RYR2: variants seen among roughly 807,000 people sequenced by gnomAD.
The protein encoded by RYR2 is ryanodine receptor 2.
RYR2 carries 227 observed loss-of-function variants against 601.1 expected under a neutral mutation model. The ratio of observed to expected loss-of-function variants is 0.38; its 90% CI spans 0.34 to 0.42. The LOEUF (loss-of-function observed/expected upper bound fraction) is 0.42. Ranked by LOEUF, RYR2 falls within the 10% of genes least tolerant of loss-of-function variation. The pLI is 1.00. For missense variants in RYR2, 4,646 were observed against 6,156.5 expected (o/e 0.75, Z 8.21); for synonymous variants, 2,223 against 2,175.1 (o/e 1.02, Z -0.61).
rs7526874 is a variant in RYR2 at position 237,270,881 on chromosome 1, G to A, written c.168+265G>A. Among the ~76,000 whole-genome samples the A allele has an allele frequency of 0.88, 134,212 of 152,256 alleles. 59,267 individuals are homozygous for A. Among genetic ancestry groups the A allele is most frequent in the East Asian group, 1 (5,179 of 5,180 alleles). On this transcript the variant is annotated intron_variant, in intron 2 of 104. Transcript: ENST00000366574. ...AGTAGAAAAGCAAACAAGTAAATCA[G>A]TGATATAATTTGAAAACTGATAAGG...
chr1:237,469,200 G>C lies in RYR2; in HGVS notation c.1708+13G>C. On this transcript the variant is annotated intron_variant, in intron 17 of 104. Transcript: ENST00000366574. The stretch of plus-strand genomic sequence containing the variant: ...GAAGCTTCTTCAGGTATGTTTTCTA[G>C]TTTTTTCCTTGTTGTGATAGATCAC... The C allele has an allele frequency of 8.3e-7, 1 of 1,209,442 alleles. No individual in the cohort carries two copies. Among genetic ancestry groups the C allele is most frequent in the Non-Finnish European group, 1.1e-6 (1 of 946,338 alleles). 74.9% of individuals were successfully genotyped at this position (1,209,442 alleles called of 1,614,324 possible). A position where few individuals can be genotyped will look rare whatever the true frequency, so the allele number is the denominator to read the frequency against.
intron 13 of RYR2, among the ~76,000 whole-genome samples, chr1:237,444,960 G>A (rs982635794): frequency 6.6e-6 from 1 of 152,152 alleles, no homozygotes; most frequent in African/African-American, 2.4e-5. Context: ...TACCAAGTTT[G>A]CTTAGGCTGA....
chr1:237,275,184 T>A, intron 2 of RYR2, among the ~76,000 whole-genome samples: 1 of 151,982 alleles, frequency 6.6e-6, no homozygotes, highest in Non-Finnish European at 1.5e-5. Context: ...AAATTATATA[T>A]TTATAGTATT....
intron 1 of RYR2, among the ~76,000 whole-genome samples, chr1:237,263,239 T>C (rs1301524521): frequency 6.6e-6 from 1 of 152,218 alleles, no homozygotes; most frequent in East Asian, 1.9e-4. Context: ...AGATCTTACC[T>C]TGGCAGTTCT....
chr1:237,135,281 A>G (rs1672639449), intron 1 of RYR2, among the ~76,000 whole-genome samples: 1 of 152,206 alleles, frequency 6.6e-6, no homozygotes, highest in Non-Finnish European at 1.5e-5. Context: ...GTAATAGACT[A>G]TCTTGGGGAA....
chr1:237,181,431 C>T (rs1230393726), intron 1 of RYR2, among the ~76,000 whole-genome samples: 2 of 152,324 alleles, frequency 1.3e-5, no homozygotes, highest in Non-Finnish European at 2.9e-5. Context: ...AGGATTTGAA[C>T]CCAGGCTGGG....
intron 97 of RYR2, among the ~76,000 whole-genome samples, chr1:237,801,367 C>CAA (rs71162423): frequency 7.1e-4 from 68 of 95,424 alleles, no homozygotes; most frequent in African/African-American, 1.7e-3. Context: ...CCCATCTCTA[C>CAA]AAAAAAAAAA....
intron 2 of RYR2, among the ~76,000 whole-genome samples, chr1:237,297,926 A>AT (rs71661539): frequency 0.017 from 2,322 of 133,338 alleles, 71 homozygotes; most frequent in Admixed American, 0.065. Context: ...AATTTTTTGT[A>AT]TTTTTTTTTT....
chr1:237,699,264 G>A (rs2149027366), intron 64 of RYR2, among the ~76,000 whole-genome samples: 1 of 152,252 alleles, frequency 6.6e-6, no homozygotes, highest in African/African-American at 2.4e-5. Flanking sequence ...CCATAAAGGA[G>A]GGTTGAACTG....
At chr1:237,059,032 C>T (rs1031652522) in intron 1 of RYR2, among the ~76,000 whole-genome samples, 2 of 152,078 alleles carry the variant, frequency 1.3e-5, no homozygotes, top group Admixed American at 6.6e-5. Flanking sequence ...CCAACCAAAA[C>T]ATTGCTCTGG....
chr1:237,444,945 C>T (rs571039525), intron 13 of RYR2, among the ~76,000 whole-genome samples: 1 of 152,266 alleles, frequency 6.6e-6, no homozygotes, highest in Admixed American at 6.5e-5. Flanking sequence ...AGCTTTGCTG[C>T]TTTGTACCAA....
At chr1:237,337,517 T>C (rs1368626173) in intron 3 of RYR2, among the ~76,000 whole-genome samples, 2 of 152,222 alleles carry the variant, frequency 1.3e-5, no homozygotes, top group Non-Finnish European at 2.9e-5. Context: ...CTGAGTTCAT[T>C]TCCTGGTAAC....
At position 237,633,689 on chromosome 1, in the gene RYR2, G is replaced by C. The variant is rs1398124585; in HGVS notation, c.6667G>C (p.Glu2223Gln). The C allele has an allele frequency of 5.6e-6, 9 of 1,613,202 alleles. No individual in the cohort carries two copies. Among genetic ancestry groups the C allele is most frequent in the Non-Finnish European group, 6.8e-6 (8 of 1,179,392 alleles). Residue 2223 changes from glutamate to glutamine, a missense_variant, in exon 43 of 105, where the codon GAA (glutamate) becomes CAA (glutamine). This residue lies in a region of RYR2 where 137 missense variants were observed against 273.6 expected (regional missense o/e 0.50). Transcript: ENST00000366574. ...AMFDHLSYLL[E>Q]NSSVGLASPA... Reference sequence around the variant, plus strand: ...GTTTGATCATCTCAGTTATTTACTGGAAAACAGCAGTGTTGGTCTTGGTAA... The same window carrying C: ...GTTTGATCATCTCAGTTATTTACTGCAAAACAGCAGTGTTGGTCTTGGTAA...
At chr1:237,537,268 G>A (rs12145423) in intron 25 of RYR2, among the ~76,000 whole-genome samples, 7,496 of 152,206 alleles carry the variant, frequency 0.049, 238 homozygotes, top group Middle Eastern at 0.15. Context: ...CACTGAATTG[G>A]AAACAATTTA....
chr1:237,671,162 A>G (rs1488767821), intron 58 of RYR2, among the ~76,000 whole-genome samples: 1 of 152,100 alleles, frequency 6.6e-6, no homozygotes, highest in Non-Finnish European at 1.5e-5. Flanking sequence ...GCATGTATGG[A>G]TCTCATTTTT....
intron 11 of RYR2, among the ~76,000 whole-genome samples, chr1:237,420,592 G>A (rs968779886): frequency 6.6e-6 from 1 of 152,184 alleles, no homozygotes; most frequent in Non-Finnish European, 1.5e-5. Flanking sequence ...GGAAATGAAA[G>A]CAAATGTGCT....
At chr1:237,184,552 C>A (rs1679134516) in intron 1 of RYR2, among the ~76,000 whole-genome samples, 2 of 152,066 alleles carry the variant, frequency 1.3e-5, no homozygotes, top group African/African-American at 2.4e-5. Context: ...GCATGACTTG[C>A]AAGGTTTTGG....
chr1:237,608,092 G>C (rs1229578612), intron 35 of RYR2, among the ~76,000 whole-genome samples: 3 of 152,148 alleles, frequency 2.0e-5, no homozygotes. Context: ...GAAATCAGTT[G>C]TAATTCATCT....
chr1:237,607,099 A>G (rs1677211258), intron 35 of RYR2, among the ~76,000 whole-genome samples: 1 of 152,246 alleles, frequency 6.6e-6, no homozygotes, highest in Non-Finnish European at 1.5e-5. Context: ...ATTATAAATC[A>G]TGCTGTTATA....
Sources: allele counts gnomAD v4.1 joint callset (sites outside exome capture counted in the v4.1 genomes callset), GRCh38; gene constraint gnomAD v4.1.1; regional missense constraint gnomAD v4.1.1; transcripts MANE v1.5; gene names NCBI Gene and HGNC (gene_info 2026-07-23, HGNC 2026-07-21).